Variants in AGPAT4 observed in about 807,000 individuals in gnomAD.
The protein encoded by AGPAT4 is 1-acyl-sn-glycerol-3-phosphate acyltransferase delta.
In AGPAT4, 15 loss-of-function variants were observed where a neutral mutation model predicts 48.0. The observed-to-expected ratio is 0.31, with a 90% CI of 0.21 to 0.48. The LOEUF (loss-of-function observed/expected upper bound fraction) is 0.48. AGPAT4 is among the 20% of genes least tolerant of loss of function. The pLI, the probability that AGPAT4 is intolerant of heterozygous loss-of-function variation, is 0.99. For synonymous variants in AGPAT4, 178 were observed against 198.7 expected (o/e 0.90, Z 0.88); for missense variants, 314 against 482.5 (o/e 0.65, Z 3.27).
rs940227512 is a variant in AGPAT4, at chr6:161,244,481, G to C, written c.-89-12179C>G. On this transcript the variant is annotated intron_variant, in intron 1 of 8. Transcript: ENST00000320285. The surrounding 1 kb of genome is among the most constrained non-coding windows in gnomAD (Gnocchi z 4.7). ...TTCCTTAAGCTTATTTCATCATTTA[G>C]TATTTTCATGTTTAATAACCATTGG... 2.0e-5 allele frequency among the ~76,000 whole-genome samples: 3 copies of C among 152,160 alleles called. No homozygotes were observed. The highest frequency in any genetic ancestry group is 4.4e-5 in the Non-Finnish European group (3 of 68,040).
At position 161,197,185 on chromosome 6, in the gene AGPAT4, A is replaced by G. The variant is rs924367264; in HGVS notation, c.179-30768T>C. ...ATTTGGAAAAAAATGAGATAAACCA[A>G]TGCTTTTCCCTTTGGCCTTCTCCGA... On this transcript the variant is annotated intron_variant, in intron 2 of 8. Transcript: ENST00000320285. This position sits in a 1 kb window ranked among gnomAD's most constrained non-coding sequence, Gnocchi z 5.7. Among the ~76,000 whole-genome samples, 1 of 152,038 alleles carries G rather than the reference A, an allele frequency of 6.6e-6. No individual in the cohort carries two copies. The highest frequency in any genetic ancestry group is 1.5e-5 in the Non-Finnish European group (1 of 67,992).
In AGPAT4 at chr6:161,214,064, G is replaced by A. The variant is rs1781583090; in HGVS notation, c.178+17972C>T. On this transcript the variant is annotated intron_variant, in intron 2 of 8. Coordinates refer to ENST00000320285, the MANE Select transcript of AGPAT4 (RefSeq NM_020133.3). The surrounding 1 kb of genome is among the most constrained non-coding windows in gnomAD (Gnocchi z 5.4). ...CATCCCTCTGCTCACTGAGATAAAT[G>A]CATATCTTACTGCCTCCTTTGGAGA... 6.6e-6 allele frequency among the ~76,000 whole-genome samples: 1 copy of A among 152,152 alleles called. No individual in the cohort carries two copies. The highest frequency in any genetic ancestry group is 2.4e-5 in the African/African-American group (1 of 41,452).
At chr6:161,273,430 A>C (rs1463079806) in intron 1 of AGPAT4, among the ~76,000 whole-genome samples, 1 of 152,146 alleles carries the variant, frequency 6.6e-6, no homozygotes, top group Non-Finnish European at 1.5e-5. Flanking sequence ...TGCAAACTAG[A>C]CACAAAATAC....
intron 2 of AGPAT4, among the ~76,000 whole-genome samples, chr6:161,209,902 T>C (rs969727809): frequency 1.3e-5 from 2 of 152,172 alleles, no homozygotes; most frequent in Admixed American, 6.5e-5. Context: ...CACAGAGACA[T>C]AGATAGCCAA....
Position 161,141,078 on chromosome 6 carries a change from G to T in AGPAT4, c.844-1458C>A, listed in dbSNP as rs1472045948. ...CATACTTTTCTTCTTTTTCATTCAGGGTGTACTGAATCATAGGCTTTCTTG... is the reference window on the plus strand; with the variant it reads ...CATACTTTTCTTCTTTTTCATTCAGTGTGTACTGAATCATAGGCTTTCTTG... On this transcript the variant is annotated intron_variant, in intron 7 of 8. Transcript: ENST00000320285. This position sits in a 1 kb window ranked among gnomAD's most constrained non-coding sequence, Gnocchi z 6.7. 6.6e-6 allele frequency among the ~76,000 whole-genome samples: 1 copy of T among 151,916 alleles called. No individual in the cohort carries two copies. Among genetic ancestry groups the T allele is most frequent in the Admixed American group, 6.5e-5 (1 of 15,270 alleles).
At chr6:161,273,800 C>CCT (rs1029305098) in intron 1 of AGPAT4, 138 bp downstream of exon 1, 4 of 149,432 alleles carry the variant, frequency 2.7e-5, no homozygotes, top group African/African-American at 1.0e-4. Context: ...GCACTCCCCC[C>CCT]CCGCCCCCGG....
chr6:161,175,764 G>A (rs1780411444), intron 2 of AGPAT4, among the ~76,000 whole-genome samples: 1 of 152,082 alleles, frequency 6.6e-6, no homozygotes, highest in Non-Finnish European at 1.5e-5. Flanking sequence ...GCTTTCTCTT[G>A]TGGGCATTTA....
Position 161,143,655 on chromosome 6 carries a change from C to T in AGPAT4, c.843+2869G>A, listed in dbSNP as rs1248819241. Among the ~76,000 whole-genome samples the T allele has an allele frequency of 6.6e-6, 1 of 152,190 alleles. No homozygotes were observed. The highest frequency in any genetic ancestry group is 1.5e-5 in the Non-Finnish European group (1 of 68,028). ...GCATGAATGGTTTCTCAAAGCCTTC[C>T]AACAACACGAGTCCCAAATGCTGAC... On this transcript the variant is annotated intron_variant, in intron 7 of 8. Coordinates refer to ENST00000320285, the MANE Select transcript of AGPAT4 (RefSeq NM_020133.3). The surrounding 1 kb of genome is among the most constrained non-coding windows in gnomAD (Gnocchi z 4.7).
intron 1 of AGPAT4, among the ~76,000 whole-genome samples, chr6:161,265,134 GCT>G (rs1783213954): frequency 6.6e-6 from 1 of 151,374 alleles, no homozygotes; most frequent in Admixed American, 6.6e-5. Flanking sequence ...TGGACTGGGT[GCT>G]GGATTAGTAC....
rs1375494029 is a variant in AGPAT4, at chr6:161,216,177, A to G, written c.178+15859T>C. Among the ~76,000 whole-genome samples the G allele has an allele frequency of 6.6e-6, 1 of 152,232 alleles. No individual in the cohort carries two copies. Among genetic ancestry groups the G allele is most frequent in the East Asian group, 1.9e-4 (1 of 5,198 alleles). ...GAGACTAACACTCTTAGACACAAATACAAGTTGGAGATGTCTCTGAAAGGG... is the reference window on the plus strand; with the variant it reads ...GAGACTAACACTCTTAGACACAAATGCAAGTTGGAGATGTCTCTGAAAGGG... On this transcript the variant is annotated intron_variant, in intron 2 of 8. Transcript: ENST00000320285. This position sits in a 1 kb window ranked among gnomAD's most constrained non-coding sequence, Gnocchi z 4.8.
At chr6:161,207,295 T>C (rs1284724071) in intron 2 of AGPAT4, among the ~76,000 whole-genome samples, 1 of 152,204 alleles carries the variant, frequency 6.6e-6, no homozygotes, top group Non-Finnish European at 1.5e-5. Context: ...TCTTTTTGTA[T>C]CCCTCTTCTC....
chr6:161,166,185 G>A lies in AGPAT4; in HGVS notation c.348+63C>T, dbSNP rs189404976. 32 of 1,572,942 alleles carry A rather than the reference G, an allele frequency of 2.0e-5. No homozygotes were observed. The East Asian group carries it at 6.4e-4, about 32-fold the overall frequency. On this transcript the variant is annotated intron_variant, in intron 3 of 8. Transcript: ENST00000320285. The surrounding 1 kb of genome is among the most constrained non-coding windows in gnomAD (Gnocchi z 6.7). ...AGTTCTGAATGACCAGGAGCAAAAAGACAAGTGGTGGGGCTGAACCAGAGA... is the reference window on the plus strand; with the variant it reads ...AGTTCTGAATGACCAGGAGCAAAAAAACAAGTGGTGGGGCTGAACCAGAGA...
Position 161,165,722 on chromosome 6 carries a change from G to GA in AGPAT4, c.348+525dup, listed in dbSNP as rs112552218. 96,107 of 565,548 alleles carry GA rather than the reference G, an allele frequency of 0.17. 31 individuals carry two copies. The highest frequency in any genetic ancestry group is 0.31 in the South Asian group (12,041 of 38,778). The allele number at this position is 565,548 out of a possible 1,614,324, so 35.0% of individuals were successfully genotyped here. A position where few individuals can be genotyped will look rare whatever the true frequency, so the allele number is the denominator to read the frequency against. ...ACGTGCAAGAGGTCAAACTAGTTGG[G>GA]AAAAAAAAAAAACAGAATTTCAGAA... is the stretch of plus-strand genomic sequence containing the variant. On this transcript the variant is annotated intron_variant, in intron 3 of 8. Transcript: ENST00000320285. The surrounding 1 kb of genome is among the most constrained non-coding windows in gnomAD (Gnocchi z 5.5).
chr6:161,198,882 G>A lies in AGPAT4; in HGVS notation c.179-32465C>T, dbSNP rs758091368. ...TAAATATCTTGTTTATATGATCCAC[G>A]ATTCTATATTTTAAACTCCAGAAAC... On this transcript the variant is annotated intron_variant, in intron 2 of 8. Coordinates refer to ENST00000320285, the MANE Select transcript of AGPAT4 (RefSeq NM_020133.3). The surrounding 1 kb of genome is among the most constrained non-coding windows in gnomAD (Gnocchi z 4.3). Among the ~76,000 whole-genome samples, 6 of 152,090 alleles carry A rather than the reference G, an allele frequency of 3.9e-5. No individual in the cohort carries two copies. Among genetic ancestry groups the A allele is most frequent in the Non-Finnish European group, 8.8e-5 (6 of 68,016 alleles).
rs2114766123 is a variant in AGPAT4 at position 161,270,432 on chromosome 6, A to T, written c.-90+3506T>A. On this transcript the variant is annotated intron_variant, in intron 1 of 8. Transcript: ENST00000320285. The surrounding 1 kb of genome is among the most constrained non-coding windows in gnomAD (Gnocchi z 5.3). ...ATTATATTTCAAAATAGGAGTGATG[A>T]AAGGCGTTTCACCAAAGATTTAGAG... Among the ~76,000 whole-genome samples, 1 of 152,274 alleles carries T rather than the reference A, an allele frequency of 6.6e-6. No individual in the cohort carries two copies. The highest frequency in any genetic ancestry group is 2.4e-5 in the African/African-American group (1 of 41,562).
At chr6:161,173,886 C>T (rs1583302262) in intron 2 of AGPAT4, among the ~76,000 whole-genome samples, 1 of 152,296 alleles carries the variant, frequency 6.6e-6, no homozygotes, top group Middle Eastern at 3.4e-3. Context: ...TTCCCAGCAC[C>T]ATTTATTAAA....
rs1583343472 is a variant in AGPAT4, at chr6:161,222,081, A to G, written c.178+9955T>C. On this transcript the variant is annotated intron_variant, in intron 2 of 8. Coordinates refer to ENST00000320285, the MANE Select transcript of AGPAT4 (RefSeq NM_020133.3). This position sits in a 1 kb window ranked among gnomAD's most constrained non-coding sequence, Gnocchi z 5.9. ...GATGAGGGTTGACTATGCTCTGCTCAGGTCCTGTAAGGCACAGCCTGAAAC... is the reference window on the plus strand; with the variant it reads ...GATGAGGGTTGACTATGCTCTGCTCGGGTCCTGTAAGGCACAGCCTGAAAC... Among the ~76,000 whole-genome samples, 1 of 152,330 alleles carries G rather than the reference A, an allele frequency of 6.6e-6. No individual in the cohort carries two copies. Among genetic ancestry groups the G allele is most frequent in the East Asian group, 1.9e-4 (1 of 5,184 alleles).
chr6:161,234,686 G>T lies in AGPAT4; in HGVS notation c.-89-2384C>A, dbSNP rs1782222355. On this transcript the variant is annotated intron_variant, in intron 1 of 8. Transcript: ENST00000320285. This position sits in a 1 kb window ranked among gnomAD's most constrained non-coding sequence, Gnocchi z 4.4. ...CCACTAATAGCGTCAAGACAATCTG[G>T]CCAGGCCAAGCTCGGTTTTTCACTA... 6.6e-6 allele frequency among the ~76,000 whole-genome samples: 1 copy of T among 152,070 alleles called. No homozygotes were observed. The highest frequency in any genetic ancestry group is 1.9e-4 in the East Asian group (1 of 5,176).
In AGPAT4 at chr6:161,216,722, C is replaced by A. The variant is rs747421904; in HGVS notation, c.178+15314G>T. Among the ~76,000 whole-genome samples, 11 of 152,246 alleles carry A rather than the reference C, an allele frequency of 7.2e-5. No individual in the cohort carries two copies. Among genetic ancestry groups the A allele is most frequent in the Non-Finnish European group, 2.9e-5 (2 of 68,026 alleles). ...GAGGCGAAAGGCTCTTCTTAAGCAG[C>A]GACAGCAAGAGAAAATGAGAAAGAA... is the stretch of plus-strand genomic sequence containing the variant. On this transcript the variant is annotated intron_variant, in intron 2 of 8. Transcript: ENST00000320285. This position sits in a 1 kb window ranked among gnomAD's most constrained non-coding sequence, Gnocchi z 4.8.
Sources: gnomAD v4.1 joint callset for allele counts (sites outside exome capture counted in the v4.1 genomes callset) on GRCh38, gnomAD v4.1.1 for gene constraint, Gnocchi (gnomAD v3.1) non-coding constraint, MANE v1.5 for transcripts, NCBI Gene and HGNC (gene_info 2026-07-23, HGNC 2026-07-21) for gene names.